Variants in HYDIN observed in about 807,000 individuals in gnomAD.
HYDIN encodes HYDIN axonemal central pair apparatus protein, also known as axonemal central pair apparatus protein HYDIN.
In HYDIN, 132 loss-of-function variants were observed where a neutral mutation model predicts 403.9. That is an observed-to-expected ratio of 0.33 (90% CI 0.28 to 0.38). The LOEUF (loss-of-function observed/expected upper bound fraction) is 0.38. Among genes scored for constraint, HYDIN ranks in the 10% least tolerant of loss-of-function variants. The pLI is 1.00. For synonymous variants in HYDIN, 1,202 were observed against 1,891.7 expected, an observed-to-expected ratio of 0.64 and a Z score of 9.46; for missense variants, 2,827 against 5,009.5, an observed-to-expected ratio of 0.56 and a Z score of 13.15.
intron 15 of HYDIN, chr16:71,066,547 C>T (rs897742831): frequency 1.6e-5 from 3 of 193,044 alleles, no homozygotes; most frequent in African/African-American, 7.0e-5. Flanking sequence ...CATTTGCATA[C>T]ATACAACTTA....
chr16:71,211,512 G>A (rs1278912581), intron 1 of HYDIN, among the ~76,000 whole-genome samples: 4 of 151,900 alleles, frequency 2.6e-5, no homozygotes, highest in Non-Finnish European at 4.4e-5. Flanking sequence ...CGTGGTGAGG[G>A]GCACCTGTAG....
intron 12 of HYDIN, chr16:71,080,951 G>C (rs2082767517): frequency 6.6e-6 from 1 of 152,172 alleles, no homozygotes; most frequent in Admixed American, 6.5e-5. Flanking sequence ...AGGAATCCAG[G>C]AATGTGAGCC....
chr16:71,005,282 A>G (rs1413683876), intron 23 of HYDIN, among the ~76,000 whole-genome samples: 1 of 152,164 alleles, frequency 6.6e-6, no homozygotes, highest in Non-Finnish European at 1.5e-5. Flanking sequence ...TGTCCAATAC[A>G]TAGCCACTAG....
intron 1 of HYDIN, among the ~76,000 whole-genome samples, chr16:71,198,557 G>GC (rs2087823687): frequency 6.6e-6 from 1 of 152,130 alleles, no homozygotes; most frequent in South Asian, 2.1e-4. Flanking sequence ...TGTTCTACTA[G>GC]CCCCCCGCCA....
rs1208308864 is a variant in HYDIN at position 71,088,540 on chromosome 16, G to A, written c.1447-16C>T. On this transcript the variant is annotated splice_polypyrimidine_tract_variant and intron_variant, in intron 11 of 85. Coordinates refer to ENST00000393567, the MANE Select transcript of HYDIN (RefSeq NM_001270974.2). ...ACAGTATCGCCTATATCAATAAAAG[G>A]CAAGAATGTGAAGGTCAATGGGCCT... 5.4e-5 allele frequency: 34 copies of A among 626,370 alleles called. No individual in the cohort carries two copies. Among genetic ancestry groups the A allele is most frequent in the African/African-American group, 5.4e-4 (29 of 53,644 alleles). The allele number at this position is 626,370 out of a possible 1,614,324, so 38.8% of individuals were successfully genotyped here.
chr16:71,102,042 A>T (rs927659908), intron 10 of HYDIN, among the ~76,000 whole-genome samples: 5 of 152,120 alleles, frequency 3.3e-5, no homozygotes, highest in Non-Finnish European at 7.4e-5. Flanking sequence ...AATCTCAGCA[A>T]AACAAATATA....
chr16:71,055,959 G>A (rs1383882660), intron 18 of HYDIN, among the ~76,000 whole-genome samples: 2 of 152,086 alleles, frequency 1.3e-5, no homozygotes, highest in Non-Finnish European at 2.9e-5. Flanking sequence ...CCAGCCCAGT[G>A]CTGAGGTCCC....
At position 71,129,687 on chromosome 16, in the gene HYDIN, C is replaced by T. The variant is rs776354722; in HGVS notation, c.1180G>A (p.Gly394Arg). The change falls in exon 9 of 86, where the codon GGA becomes AGA. Residue 394 changes from glycine (G) to arginine (R), a missense_variant. Gly to Arg is a moderately radical substitution (Grantham distance 125). Transcript: ENST00000393567. ...TTATTGAAGAACAGCTTGCTGTCTC[C>T]CTGCACCAGCCTCCTCTGATTCGCA... ...TFANQRRLVQ[G>R]DSKLFFNNVF... 2.5e-6 allele frequency: 4 copies of T among 1,614,228 alleles called. No homozygotes were observed. The South Asian group carries it at 4.4e-5, about 18-fold the overall frequency.
intron 64 of HYDIN, 147 bp from the exon 65 acceptor site, chr16:70,872,326 G>C: frequency 1.8e-6 from 1 of 544,986 alleles, no homozygotes; most frequent in Non-Finnish European, 3.2e-6. Context: ...TGAGTAACAA[G>C]ATTTCTATCC....
chr16:71,133,989 C>T (rs1036903648), intron 8 of HYDIN, among the ~76,000 whole-genome samples: 2 of 152,216 alleles, frequency 1.3e-5, no homozygotes, highest in East Asian at 3.9e-4. Context: ...GGGAACAACC[C>T]TCTGTCCCCA....
At chr16:70,808,163 T>A in intron 85 of HYDIN, 101 bp from the exon 86 acceptor site, 1 of 1,331,460 alleles carries the variant, frequency 7.5e-7, no homozygotes, top group Non-Finnish European at 1.0e-6. Context: ...ATCAAGCAAC[T>A]ATGTCTGTGT....
intron 23 of HYDIN, among the ~76,000 whole-genome samples, chr16:70,993,167 G>A (rs1453100579): frequency 1.3e-5 from 2 of 152,108 alleles, no homozygotes; most frequent in East Asian, 1.9e-4. Flanking sequence ...CTTCTTTTAG[G>A]ACACTGTCCA....
rs1033135 is a variant in HYDIN, at chr16:70,982,684, A to C, written c.4333-1116T>G. Among the ~76,000 whole-genome samples, 4 of 149,320 alleles carry C rather than the reference A, an allele frequency of 2.7e-5. No individual in the cohort carries two copies. In the East Asian group the frequency reaches 7.7e-4, roughly 29 times the overall value. ...TTTACGATTAATTCAATATTAGTAC[A>C]TCTAGAGCTGCTCCATCCTTTTTAG... On this transcript the variant is annotated intron_variant, in intron 28 of 85. Transcript: ENST00000393567.
chr16:70,850,020 T>C, intron 74 of HYDIN, 73 bp from the exon 75 acceptor site: 1 of 594,292 alleles, frequency 1.7e-6, no homozygotes, highest in East Asian at 2.8e-5. Flanking sequence ...TGTAACATGT[T>C]GATGAAAAAT....
intron 22 of HYDIN, among the ~76,000 whole-genome samples, chr16:71,019,484 C>A (rs1197674061): frequency 1.3e-5 from 2 of 152,308 alleles, no homozygotes; most frequent in Admixed American, 6.5e-5. Context: ...GCCAGGCCAG[C>A]CACTGGGCCT....
At chr16:71,040,806 T>C (rs2144194866) in intron 18 of HYDIN, among the ~76,000 whole-genome samples, 1 of 112,116 alleles carries the variant, frequency 8.9e-6, no homozygotes, top group South Asian at 3.1e-4. Flanking sequence ...CATTTACCTT[T>C]CCCAAGTGTC....
intron 6 of HYDIN, among the ~76,000 whole-genome samples, chr16:71,154,383 C>T (rs1455352958): frequency 1.5e-5 from 2 of 129,480 alleles, no homozygotes; most frequent in Non-Finnish European, 3.2e-5. Context: ...ATATCCATCC[C>T]CTCAAGCATT....
intron 7 of HYDIN, among the ~76,000 whole-genome samples, chr16:71,138,014 A>T (rs1408101367): frequency 6.6e-6 from 1 of 151,540 alleles, no homozygotes; most frequent in Non-Finnish European, 1.5e-5. Context: ...AAATTTAAAA[A>T]TTTTAAATAT....
rs370418691 is a variant in HYDIN at position 71,136,790 on chromosome 16, C to CA, written c.1043+360dup. ...TCAAAAAAAAAAAAAACAAAAAAAA[C>CA]AAAAAAAAAACCTGATCAACCTAGT... On this transcript the variant is annotated intron_variant, in intron 8 of 85. Transcript: ENST00000393567. Among the ~76,000 whole-genome samples the CA allele has an allele frequency of 2.4e-3, 326 of 138,246 alleles. 2 individuals carry two copies. The highest frequency in any genetic ancestry group is 7.1e-3 in the African/African-American group (268 of 37,924). 90.7% of individuals were successfully genotyped at this position (138,246 alleles called of 152,430 possible). A position where few individuals can be genotyped will look rare whatever the true frequency, so the allele number is the denominator to read the frequency against.
Sources: gnomAD v4.1 joint callset for allele counts (sites outside exome capture counted in the v4.1 genomes callset) on GRCh38, gnomAD v4.1.1 for gene constraint, MANE v1.5 for transcripts, NCBI Gene and HGNC (gene_info 2026-07-23, HGNC 2026-07-21) for gene names.